The following SSH2 variants were observed in gnomAD, a reference collection of about 807,000 sequenced individuals.
The protein encoded by SSH2 is protein phosphatase Slingshot homolog 2.
SSH2 carries 37 observed loss-of-function variants against 135.2 expected under a neutral mutation model. The observed-to-expected ratio is 0.27, with a 90% CI of 0.21 to 0.36. The LOEUF is 0.36. Among genes scored for constraint, SSH2 ranks in the 10% least tolerant of loss-of-function variants. The pLI, the probability that SSH2 is intolerant of heterozygous loss-of-function variation, is 1.00. For synonymous variants in SSH2, 628 were observed against 646.2 expected, an observed-to-expected ratio of 0.97 and a Z score of 0.43; for missense variants, 1,408 against 1,765.3, an observed-to-expected ratio of 0.80 and a Z score of 3.63.
Position 29,631,148 on chromosome 17 carries a change from G to T in SSH2, c.4046C>A (p.Ser1349Tyr). Reference sequence around the variant, plus strand: ...TGTTGTTGTGAGTTGTTCTACAAAAGACTTGGTGGGCTCTGGGTTGTGGGG... The same window carrying T: ...TGTTGTTGTGAGTTGTTCTACAAAATACTTGGTGGGCTCTGGGTTGTGGGG... ...GAPHNPEPTKSFVEQLTTTEC... is the reference protein window; with the variant it reads ...GAPHNPEPTKYFVEQLTTTEC... The change falls in exon 16 of 16, where the codon TCT becomes TAT. Residue 1349 changes from serine (S) to tyrosine (Y), a missense_variant. Physicochemically the swap from Ser to Tyr is moderately radical, Grantham distance 144. This residue lies in a region of SSH2 where 1,080 missense variants were observed against 1,144.5 expected (regional missense o/e 0.94). Transcript: ENST00000540801. 1 of 1,614,240 alleles carries T rather than the reference G, an allele frequency of 6.2e-7. No homozygotes were observed. Among genetic ancestry groups the T allele is most frequent in the Non-Finnish European group, 8.5e-7 (1 of 1,180,048 alleles).
At chr17:29,707,536 T>A (rs188331128) in intron 3 of SSH2, among the ~76,000 whole-genome samples, 6 of 152,206 alleles carry the variant, frequency 3.9e-5, no homozygotes, top group Middle Eastern at 3.4e-3. Context: ...CTATTTTTTT[T>A]TTTTTTTGAG....
At chr17:29,805,004 A>G (rs1431806039) in intron 2 of SSH2, among the ~76,000 whole-genome samples, 1 of 151,628 alleles carries the variant, frequency 6.6e-6, no homozygotes, top group African/African-American at 2.4e-5. Flanking sequence ...ATAAAAGGCA[A>G]TAAGTCTTAC....
intron 1 of SSH2, among the ~76,000 whole-genome samples, chr17:29,849,986 C>T (rs1282648258): frequency 1.4e-5 from 2 of 142,516 alleles, no homozygotes; most frequent in Admixed American, 7.2e-5. Context: ...GCTGAGATCA[C>T]GCCATTGCAC....
At position 29,913,347 on chromosome 17, in the gene SSH2, A is replaced by AAAAAAAAAAAAAATT; in HGVS notation, c.63+16590_63+16591insAATTTTTTTTTTTTT. ...AAAAAAAAAAAAAAAAAAAAAAAAA[A>AAAAAAAAAAAAAATT]ATATATATATATATATATATATATA... is the stretch of plus-strand genomic sequence containing the variant. On this transcript the variant is annotated intron_variant, in intron 1 of 15. Coordinates refer to ENST00000540801, the MANE Select transcript of SSH2 (RefSeq NM_001282129.2). 1.0e-4 allele frequency among the ~76,000 whole-genome samples: 3 copies of AAAAAAAAAAAAAATT among 28,786 alleles called. 1 individual carries two copies. Among genetic ancestry groups the AAAAAAAAAAAAAATT allele is most frequent in the Non-Finnish European group, 1.8e-4 (3 of 16,996 alleles). The allele number at this position is 28,786 out of a possible 152,430, so 18.9% of individuals were successfully genotyped here. A position where few individuals can be genotyped will look rare whatever the true frequency, so the allele number is the denominator to read the frequency against.
intron 3 of SSH2, among the ~76,000 whole-genome samples, chr17:29,768,273 A>G (rs889243379): frequency 7.2e-5 from 11 of 151,986 alleles, no homozygotes; most frequent in Admixed American, 6.6e-4. Context: ...CTTAGACTAT[A>G]ACAAGATAAA....
At chr17:29,786,091 G>T (rs1007699117) in intron 3 of SSH2, among the ~76,000 whole-genome samples, 1 of 152,118 alleles carries the variant, frequency 6.6e-6, no homozygotes, top group Non-Finnish European at 1.5e-5. Flanking sequence ...GGCGTGAGCC[G>T]CCGCGCCCGG....
intron 1 of SSH2, among the ~76,000 whole-genome samples, chr17:29,891,860 C>CT (rs1207680416): frequency 6.6e-6 from 1 of 152,154 alleles, no homozygotes; most frequent in Admixed American, 6.5e-5. Context: ...TATGTTCTGA[C>CT]TAGCCCATTA....
At chr17:29,854,138 A>G (rs1330102174) in intron 1 of SSH2, among the ~76,000 whole-genome samples, 1 of 151,924 alleles carries the variant, frequency 6.6e-6, no homozygotes, top group Admixed American at 6.6e-5. Flanking sequence ...AATTTTGCTT[A>G]TATCAAGTCT....
intron 9 of SSH2, among the ~76,000 whole-genome samples, chr17:29,669,643 C>T (rs1567860617): frequency 6.6e-6 from 1 of 152,136 alleles, no homozygotes; most frequent in South Asian, 2.1e-4. Flanking sequence ...TAATTATTAA[C>T]ACTCTGGCCT....
At position 29,636,677 on chromosome 17, in the gene SSH2, A is replaced by G. The variant is rs2035929510; in HGVS notation, c.1553T>C (p.Ile518Thr). 5.6e-6 allele frequency: 9 copies of G among 1,613,996 alleles called. No homozygotes were observed. Among genetic ancestry groups the G allele is most frequent in the Non-Finnish European group, 7.6e-6 (9 of 1,179,910 alleles). The stretch of plus-strand genomic sequence containing the variant: ...ACTCTCCATGGTCTTCACCTCAGCA[A>G]TCTGGTCTGCTGAGGTGGTGATATC... ...KKDITTSADQ[I>T]AEVKTMESHP... Residue 518 changes from isoleucine (I) to threonine (T), a missense_variant, in exon 15 of 16, where the codon ATT becomes ACT. Physicochemically the swap from Ile to Thr is moderately conservative, Grantham distance 89. Coordinates refer to ENST00000540801, the MANE Select transcript of SSH2 (RefSeq NM_001282129.2).
intron 3 of SSH2, among the ~76,000 whole-genome samples, chr17:29,730,603 T>C (rs2040151916): frequency 6.6e-6 from 1 of 151,848 alleles, no homozygotes; most frequent in South Asian, 2.1e-4. Flanking sequence ...ACTCGGCTAA[T>C]TTTTTTGGTA....
intron 3 of SSH2, among the ~76,000 whole-genome samples, chr17:29,768,162 A>G (rs1375478318): frequency 6.6e-6 from 1 of 152,092 alleles, no homozygotes; most frequent in Non-Finnish European, 1.5e-5. Context: ...AAAAATATAT[A>G]TATTAGAAAA....
chr17:29,764,214 G>T (rs1199447824), intron 3 of SSH2, among the ~76,000 whole-genome samples: 1 of 152,144 alleles, frequency 6.6e-6, no homozygotes, highest in Non-Finnish European at 1.5e-5. Flanking sequence ...GCCTCCCAAA[G>T]TGCTGAGATT....
intron 4 of SSH2, among the ~76,000 whole-genome samples, chr17:29,701,201 G>C (rs1458680895): frequency 6.6e-6 from 1 of 152,030 alleles, no homozygotes; most frequent in Non-Finnish European, 1.5e-5. Flanking sequence ...TCGATCTCCT[G>C]ACCTTGTGAT....
intron 3 of SSH2, among the ~76,000 whole-genome samples, chr17:29,715,663 C>T (rs1281094440): frequency 2.0e-5 from 3 of 152,142 alleles, no homozygotes; most frequent in Non-Finnish European, 1.5e-5. Flanking sequence ...ATTATTATTA[C>T]ATGTCTGAGC....
In SSH2 at chr17:29,626,806, T is replaced by C. The variant is rs181363007; in HGVS notation, c.*4035A>G. The C allele has an allele frequency of 2.3e-4, 35 of 152,764 alleles. No homozygotes were observed. The highest frequency in any genetic ancestry group is 5.9e-5 in the Non-Finnish European group (4 of 68,022). The allele number at this position is 152,764 out of a possible 1,614,324, so 9.5% of individuals were successfully genotyped here. On this transcript the variant is annotated 3_prime_UTR_variant, in exon 16 of 16. Transcript: ENST00000540801. Reference sequence around the variant, plus strand: ...AGCAAATATGCTTGTGTCTAATACATGCCTTGATCTTTTAGTTTGGAAGGG... The same window carrying C: ...AGCAAATATGCTTGTGTCTAATACACGCCTTGATCTTTTAGTTTGGAAGGG...
At chr17:29,882,965 A>C (rs899287425) in intron 1 of SSH2, 1 of 152,078 alleles carries the variant, frequency 6.6e-6, no homozygotes, top group Non-Finnish European at 1.5e-5. Context: ...TGCCCAGCCC[A>C]ATTTTTTTCT....
chr17:29,844,399 T>C (rs1015595583), intron 2 of SSH2, among the ~76,000 whole-genome samples: 1 of 152,178 alleles, frequency 6.6e-6, no homozygotes, highest in Admixed American at 6.5e-5. Flanking sequence ...AATCCAGTTG[T>C]TCCTAGGAGA....
intron 3 of SSH2, among the ~76,000 whole-genome samples, chr17:29,714,299 T>A (rs1030830124): frequency 6.6e-6 from 1 of 151,878 alleles, no homozygotes; most frequent in African/African-American, 2.4e-5. Flanking sequence ...GGAGATTAAC[T>A]CAGAAAAACT....
Sources: gnomAD v4.1 joint callset for allele counts (sites outside exome capture counted in the v4.1 genomes callset) on GRCh38, gnomAD v4.1.1 for gene constraint, gnomAD v4.1.1 regional missense constraint, MANE v1.5 for transcripts, NCBI Gene and HGNC (gene_info 2026-07-23, HGNC 2026-07-21) for gene names.